The following TAF2 variants were observed in gnomAD, a reference collection of about 807,000 sequenced individuals.
TAF2 encodes TATA-box binding protein associated factor 2.
A neutral mutation model predicts 138.5 loss-of-function variants in TAF2; 61 were observed. That is an observed-to-expected ratio of 0.44 (90% CI 0.36 to 0.54). The LOEUF is 0.54. Ranked by LOEUF, TAF2 falls within the 20% of genes least tolerant of loss-of-function variation. TAF2 has a pLI of 0.00. For missense variants in TAF2, 1,090 were observed against 1,427.9 expected, an observed-to-expected ratio of 0.76 and a Z score of 3.81; for synonymous variants, 475 against 469.9, an observed-to-expected ratio of 1.01 and a Z score of -0.14.
rs757687652 is a variant in TAF2 at position 119,732,139 on chromosome 8, C to T, written c.3385G>A (p.Ala1129Thr). The T allele has an allele frequency of 7.4e-6, 12 of 1,614,110 alleles. No individual in the cohort carries two copies. The highest frequency in any genetic ancestry group is 2.2e-5 in the South Asian group (2 of 91,090). ...LEMSMHPAASAPLSVFTKEST... is the reference protein window; with the variant it reads ...LEMSMHPAASTPLSVFTKEST... ...TCCTTAGTAAAGACTGAGAGTGGAG[C>T]GCTTGCCGCTGGATGCATACTCATC... The change falls in exon 26 of 26, where the codon GCT (alanine) becomes ACT (threonine). Residue 1129 changes from alanine (A) to threonine (T), a missense_variant. Ala to Thr is a moderately conservative substitution (Grantham distance 58). Transcript: ENST00000378164.
intron 2 of TAF2, among the ~76,000 whole-genome samples, chr8:119,826,319 C>T (rs1212712861): frequency 6.6e-6 from 1 of 151,940 alleles, no homozygotes; most frequent in African/African-American, 2.4e-5. Flanking sequence ...TCTGCACAAG[C>T]TCTCTTTTTG....
intron 18 of TAF2, among the ~76,000 whole-genome samples, chr8:119,777,375 G>A (rs1424895056): frequency 1.3e-5 from 2 of 152,014 alleles, no homozygotes; most frequent in Non-Finnish European, 2.9e-5. Context: ...CCTTGATGGT[G>A]TAAAATCAGA....
intron 3 of TAF2, among the ~76,000 whole-genome samples, chr8:119,817,239 G>A (rs1179317218): frequency 1.3e-5 from 2 of 152,014 alleles, no homozygotes; most frequent in African/African-American, 4.8e-5. Context: ...TATATATACA[G>A]GTCTGTGGCC....
chr8:119,816,503 G>A (rs920082997), intron 3 of TAF2, among the ~76,000 whole-genome samples: 1 of 152,034 alleles, frequency 6.6e-6, no homozygotes, highest in African/African-American at 2.4e-5. Flanking sequence ...AATTTACCAC[G>A]GAATTTGATG....
intron 3 of TAF2, among the ~76,000 whole-genome samples, chr8:119,812,277 G>A (rs1040511161): frequency 6.6e-6 from 1 of 151,844 alleles, no homozygotes; most frequent in Non-Finnish European, 1.5e-5. Flanking sequence ...CAGTTTCAAG[G>A]CATTAATAGA....
intron 3 of TAF2, among the ~76,000 whole-genome samples, chr8:119,811,529 G>A (rs548350350): frequency 8.5e-5 from 13 of 152,052 alleles, no homozygotes; most frequent in African/African-American, 1.7e-4. Context: ...AAAACAGGCC[G>A]GGCACGGTGG....
At chr8:119,762,097 C>A (rs954207706) in intron 19 of TAF2, among the ~76,000 whole-genome samples, 2 of 151,712 alleles carry the variant, frequency 1.3e-5, no homozygotes, top group African/African-American at 4.8e-5. Context: ...TAAAATCCAA[C>A]GAAATAAAAG....
chr8:119,768,715 C>T (rs1345165645), intron 18 of TAF2, among the ~76,000 whole-genome samples: 1 of 152,194 alleles, frequency 6.6e-6, no homozygotes, highest in African/African-American at 2.4e-5. Flanking sequence ...CTGACAGCAC[C>T]ACAGCTGACA....
intron 9 of TAF2, among the ~76,000 whole-genome samples, chr8:119,794,018 C>T (rs774999063): frequency 5.3e-5 from 8 of 151,904 alleles, no homozygotes; most frequent in Non-Finnish European, 1.2e-4. Flanking sequence ...GCCTTGACTT[C>T]CTGGGCTTAG....
chr8:119,737,042 A>ATT (rs1819268078), intron 25 of TAF2, among the ~76,000 whole-genome samples: 1 of 152,236 alleles, frequency 6.6e-6, no homozygotes, highest in Admixed American at 6.5e-5. Context: ...TAACAAATAC[A>ATT]TTGTAAGGGA....
In TAF2 at chr8:119,827,023, G is replaced by A. The variant is rs1379137951; in HGVS notation, c.138+4654C>T. On this transcript the variant is annotated intron_variant, in intron 2 of 25. Coordinates refer to ENST00000378164, the MANE Select transcript of TAF2 (RefSeq NM_003184.4). ...AGCCTAAGCAACATGGCAAAACTCC[G>A]TCTCTACAAAAAATACAAAAATTAG... 5.3e-5 allele frequency among the ~76,000 whole-genome samples: 8 copies of A among 152,080 alleles called. 2 individuals are homozygous for A. The highest frequency in any genetic ancestry group is 1.3e-4 in the Admixed American group (2 of 15,270).
At chr8:119,734,662 T>C (rs1170928302) in intron 25 of TAF2, among the ~76,000 whole-genome samples, 2 of 152,164 alleles carry the variant, frequency 1.3e-5, no homozygotes, top group East Asian at 1.9e-4. Context: ...AGAAACTATA[T>C]TGGGACTGGG....
At chr8:119,734,336 T>C (rs1461600770) in intron 25 of TAF2, among the ~76,000 whole-genome samples, 1 of 152,144 alleles carries the variant, frequency 6.6e-6, no homozygotes, top group Non-Finnish European at 1.5e-5. Flanking sequence ...TAGATTTCAA[T>C]GTAGTTTCTT....
chr8:119,781,612 G>A (rs1418228185), intron 16 of TAF2, among the ~76,000 whole-genome samples: 1 of 152,126 alleles, frequency 6.6e-6, no homozygotes. Context: ...TCAGGACGGG[G>A]AGGGGGAGGT....
chr8:119,779,255 C>CACACAA (rs919600245), intron 17 of TAF2, among the ~76,000 whole-genome samples: 1 of 150,660 alleles, frequency 6.6e-6, no homozygotes, highest in Non-Finnish European at 1.5e-5. Context: ...CTAAGACACA[C>CACACAA]ACACACACAC....
intron 18 of TAF2, among the ~76,000 whole-genome samples, chr8:119,765,964 G>C (rs540530125): frequency 1.3e-5 from 2 of 152,246 alleles, no homozygotes; most frequent in South Asian, 4.1e-4. Context: ...CGTTTTTCAG[G>C]AGTCCAGGGA....
intron 5 of TAF2, 66 bp from the exon 6 acceptor site, chr8:119,802,091 G>C: frequency 7.6e-7 from 1 of 1,315,214 alleles, no homozygotes; most frequent in African/African-American, 1.5e-5. Context: ...TTCCCCACAT[G>C]CAAGTTATTT....
Position 119,793,442 on chromosome 8 carries a change from T to C in TAF2, c.1201A>G (p.Lys401Glu). 1.2e-6 allele frequency: 2 copies of C among 1,611,844 alleles called. No homozygotes were observed. The highest frequency in any genetic ancestry group is 1.7e-6 in the Non-Finnish European group (2 of 1,178,768). ...YRHWIKEELD[K>E]IVAYELKTGG... ...GTTTTTAGTTCATATGCCACTATTT[T>C]GTCTAGCTCCTAAAAAATATATAAA... Residue 401 changes from lysine to glutamate, a missense_variant, in exon 10 of 26, where the codon AAA becomes GAA. Lys to Glu is a moderately conservative substitution (Grantham distance 56, BLOSUM62 1). Transcript: ENST00000378164.
chr8:119,744,164 A>G lies in TAF2; in HGVS notation c.3214+124T>C, dbSNP rs778256009. 4.3e-6 allele frequency: 4 copies of G among 937,394 alleles called. No homozygotes were observed. In the African/African-American group the frequency reaches 4.9e-5, roughly 12 times the overall value. 58.1% of individuals were successfully genotyped at this position (937,394 alleles called of 1,614,324 possible). ...TTATGTTATAATCTGCTACAATTTA[A>G]TATTTTAAGCTGGCTAATTTTAAAC... On this transcript the variant is annotated intron_variant, in intron 24 of 25. Transcript: ENST00000378164.
Sources: allele counts gnomAD v4.1 joint callset (sites outside exome capture counted in the v4.1 genomes callset), GRCh38; gene constraint gnomAD v4.1.1; transcripts MANE v1.5; gene names NCBI Gene and HGNC (gene_info 2026-07-23, HGNC 2026-07-21).